POMT2: variants seen among roughly 807,000 people sequenced by gnomAD.
POMT2 encodes protein O-mannosyl-transferase 2.
POMT2 carries 75 observed loss-of-function variants against 100.0 expected under a neutral mutation model. The observed-to-expected ratio is 0.75, with a 90% CI of 0.62 to 0.91. The LOEUF is 0.91. Ranked by LOEUF, POMT2 falls within the 40% of genes least tolerant of loss-of-function variation. The pLI is 0.00. For missense variants in POMT2, 940 were observed against 955.1 expected (o/e 0.98, Z 0.21); for synonymous variants, 378 against 374.1 (o/e 1.01, Z -0.12).
chr14:77,307,672 C>T (rs1048603515), intron 2 of POMT2, among the ~76,000 whole-genome samples: 21 of 152,052 alleles, frequency 1.4e-4, no homozygotes, highest in Non-Finnish European at 1.5e-5. Flanking sequence ...TATTCTAGTT[C>T]TCTGATCACG....
At chr14:77,297,104 G>A (rs752274076) in intron 8 of POMT2, among the ~76,000 whole-genome samples, 10 of 152,366 alleles carry the variant, frequency 6.6e-5, no homozygotes, top group African/African-American at 1.2e-4. Flanking sequence ...AAGAGAGGAC[G>A]ACTTGATCGA....
At chr14:77,319,184 TGAAA>T in intron 1 of POMT2, among the ~76,000 whole-genome samples, 1 of 152,292 alleles carries the variant, frequency 6.6e-6, no homozygotes, top group East Asian at 1.9e-4. Context: ...CCCAGATGTC[TGAAA>T]TAAGATTCCT....
In POMT2 at chr14:77,308,348, G is replaced by GT. The variant is rs1348490150; in HGVS notation, c.334-1908dup. ...CATTTTTTACTCTCCAATTGACAAA[G>GT]TTTTTTTGTTTTTTTTTTTTTTTTG... On this transcript the variant is annotated intron_variant, in intron 2 of 20. Transcript: ENST00000261534. Among the ~76,000 whole-genome samples, 102 of 106,660 alleles carry GT rather than the reference G, an allele frequency of 9.6e-4. 1 individual carries two copies. The highest frequency in any genetic ancestry group is 0.01 in the Middle Eastern group (2 of 200). 70.0% of individuals were successfully genotyped at this position (106,660 alleles called of 152,430 possible).
chr14:77,286,952 C>T, intron 11 of POMT2, 130 bp from the exon 12 acceptor site: 1 of 1,522,222 alleles, frequency 6.6e-7, no homozygotes, highest in South Asian at 1.2e-5. Context: ...TTAAATCCAA[C>T]ATATCAGGAA....
At chr14:77,300,014 C>A (rs749954051) in intron 6 of POMT2, 4 of 256,896 alleles carry the variant, frequency 1.6e-5, no homozygotes, top group Admixed American at 4.9e-5. Context: ...TGGCCGAGTG[C>A]CCTTTTCTGT....
At chr14:77,287,823 T>C (rs1890490482) in intron 11 of POMT2, 1 of 152,192 alleles carries the variant, frequency 6.6e-6, no homozygotes, top group African/African-American at 2.4e-5. Context: ...CAATCTAGGA[T>C]CATGTTCATT....
intron 4 of POMT2, 33 bp downstream of exon 4, chr14:77,304,659 C>G (rs1891162379): frequency 6.4e-7 from 1 of 1,558,272 alleles, no homozygotes; most frequent in African/African-American, 1.4e-5. Context: ...CAGCCCATTT[C>G]CCAAAAGCCA....
At chr14:77,280,112 G>A in intron 16 of POMT2, 32 bp from the exon 17 acceptor site, 1 of 1,613,580 alleles carries the variant, frequency 6.2e-7, no homozygotes, top group Non-Finnish European at 8.5e-7. Flanking sequence ...GCTGACCCAG[G>A]CCCAGCCCAT....
At chr14:77,278,538 G>GCCA in intron 19 of POMT2, 30 bp from the exon 20 acceptor site, 2 of 1,446,974 alleles carry the variant, frequency 1.4e-6, no homozygotes, top group Non-Finnish European at 1.9e-6. Context: ...CCTGGAGTCA[G>GCCA]CCAGGCAGGG....
chr14:77,299,617 G>T (rs1269846423), intron 6 of POMT2, 56 bp from the exon 7 acceptor site: 1 of 1,292,652 alleles, frequency 7.7e-7, no homozygotes, highest in Non-Finnish European at 1.1e-6. Context: ...TTATTCCTTA[G>T]GCACTATGCA....
Position 77,278,627 on chromosome 14 carries a change from G to A in POMT2, c.2032+102C>T, listed in dbSNP as rs572316814. On this transcript the variant is annotated intron_variant, in intron 19 of 20. Transcript: ENST00000261534. The stretch of plus-strand genomic sequence containing the variant: ...TCACTCCCAGCACTGCTGCCCCACA[G>A]TGGCCTCCCGTCAAGGAGCAGAGTC... The A allele has an allele frequency of 3.3e-6, 5 of 1,530,894 alleles. No individual in the cohort carries two copies. The East Asian group carries it at 9.2e-5, about 28-fold the overall frequency. 94.8% of individuals were successfully genotyped at this position (1,530,894 alleles called of 1,614,324 possible).
At chr14:77,314,819 A>G (rs982580814) in intron 1 of POMT2, among the ~76,000 whole-genome samples, 1 of 152,244 alleles carries the variant, frequency 6.6e-6, no homozygotes, top group African/African-American at 2.4e-5. Context: ...ACCCTGCTAT[A>G]TAAGATAGAA....
chr14:77,308,125 G>C (rs1891292730), intron 2 of POMT2, among the ~76,000 whole-genome samples: 2 of 151,692 alleles, frequency 1.3e-5, no homozygotes, highest in Middle Eastern at 3.4e-3. Context: ...CTCCCAAAGT[G>C]CTGGGATTAT....
rs1247548000 is a variant in POMT2 at position 77,302,718 on chromosome 14, G to GC, written c.656+116dup. On this transcript the variant is annotated intron_variant, in intron 5 of 20. Transcript: ENST00000261534. ...AAAAAAACAAACAAAAAGTATGCTT[G>GC]CCTTAAAATCAGCTTCAAGACAAGT... The GC allele has an allele frequency of 1.7e-4, 131 of 772,332 alleles. 2 individuals carry two copies. In the East Asian group the frequency reaches 3.5e-3, roughly 21 times the overall value. 47.8% of individuals were successfully genotyped at this position (772,332 alleles called of 1,614,324 possible). A position where few individuals can be genotyped will look rare whatever the true frequency, so the allele number is the denominator to read the frequency against.
chr14:77,302,988 G>A, intron 4 of POMT2, 45 bp from the exon 5 acceptor site: 1 of 1,475,458 alleles, frequency 6.8e-7, no homozygotes, highest in Non-Finnish European at 9.4e-7. Context: ...GTAAGAGAAG[G>A]GCCCCCTGAA....
Position 77,279,914 on chromosome 14 carries a change from C to T in POMT2, c.1800G>A (p.Leu600=), listed in dbSNP as rs757165656. 1.9e-6 allele frequency: 3 copies of T among 1,614,114 alleles called. No individual in the cohort carries two copies. Among genetic ancestry groups the T allele is most frequent in the East Asian group, 2.2e-5 (1 of 44,872 alleles). ...YLLGNPVVWW[L]NLLSIALYLL... Reference sequence around the variant, plus strand: ...GGTAGAGGGCGATGCTCAACAGATTCAGCCACCAAACCACCTGTGCAGAAA... The same window carrying T: ...GGTAGAGGGCGATGCTCAACAGATTTAGCCACCAAACCACCTGTGCAGAAA... Residue 600 remains leucine (L), a synonymous_variant, in exon 18 of 21, where the codon CTG becomes CTA. Coordinates refer to ENST00000261534, the MANE Select transcript of POMT2 (RefSeq NM_013382.7).
intron 5 of POMT2, among the ~76,000 whole-genome samples, chr14:77,301,788 G>GTAA (rs1260689901): frequency 6.6e-6 from 1 of 152,224 alleles, no homozygotes; most frequent in East Asian, 1.9e-4. Context: ...GAGAGGTGGA[G>GTAA]TAATACAGCT....
In POMT2 at chr14:77,311,357, A is replaced by C. The variant is rs185738143; in HGVS notation, c.333+592T>G. Among the ~76,000 whole-genome samples, 10 of 152,334 alleles carry C rather than the reference A, an allele frequency of 6.6e-5. No individual in the cohort carries two copies. In the East Asian group the frequency reaches 1.7e-3, roughly 26 times the overall value. On this transcript the variant is annotated intron_variant, in intron 2 of 20. Transcript: ENST00000261534. ...AAATTCAGACAAATTCACATAACAT[A>C]ACATCCACCATTTTAAAGTGTGCAA...
At chr14:77,308,322 T>C (rs940143293) in intron 2 of POMT2, among the ~76,000 whole-genome samples, 1 of 151,498 alleles carries the variant, frequency 6.6e-6, no homozygotes, top group African/African-American at 2.4e-5. Flanking sequence ...CAGTGATATG[T>C]CATTTTTTAC....
Sources: allele counts gnomAD v4.1 joint callset (sites outside exome capture counted in the v4.1 genomes callset), GRCh38; gene constraint gnomAD v4.1.1; transcripts MANE v1.5; gene names NCBI Gene and HGNC (gene_info 2026-07-23, HGNC 2026-07-21).